CPPED1: variants seen among roughly 807,000 people sequenced by gnomAD.
CPPED1 encodes the protein serine/threonine-protein phosphatase CPPED1.
CPPED1 carries 28 observed loss-of-function variants against 28.0 expected under a neutral mutation model. The observed-to-expected ratio is 1.00, with a 90% CI of 0.74 to 1.37. The LOEUF (loss-of-function observed/expected upper bound fraction) is 1.37, where lower values mean the gene tolerates loss of function less well. CPPED1 is among the 40% of genes most tolerant of loss of function. The pLI is 0.00. For synonymous variants in CPPED1, 198 were observed against 180.2 expected (o/e 1.10, Z -0.79); for missense variants, 504 against 416.5 (o/e 1.21, Z -1.83).
At chr16:12,756,860 C>CA (rs753900381) in intron 2 of CPPED1, among the ~76,000 whole-genome samples, 3 of 151,936 alleles carry the variant, frequency 2.0e-5, no homozygotes, top group Non-Finnish European at 2.9e-5. Flanking sequence ...AAGTTATAGA[C>CA]ACCTACAGTG....
intron 2 of CPPED1, among the ~76,000 whole-genome samples, chr16:12,754,950 G>A (rs1353682697): frequency 1.3e-5 from 2 of 152,180 alleles, no homozygotes; most frequent in South Asian, 2.1e-4. Context: ...GTTAGAAGCT[G>A]TAGTGAGCCG....
intron 3 of CPPED1, among the ~76,000 whole-genome samples, chr16:12,697,414 C>CCT (rs1378710313): frequency 2.6e-5 from 4 of 151,962 alleles, no homozygotes; most frequent in Admixed American, 1.3e-4. Flanking sequence ...GGAACATGTG[C>CCT]CTCACCCAGG....
intron 3 of CPPED1, among the ~76,000 whole-genome samples, chr16:12,697,706 G>A (rs914945795): frequency 6.6e-6 from 1 of 152,150 alleles, no homozygotes; most frequent in Non-Finnish European, 1.5e-5. Flanking sequence ...TGAAGGCAGA[G>A]TTGAGTAGTT....
chr16:12,796,205 TA>T (rs1166408916), intron 1 of CPPED1, among the ~76,000 whole-genome samples: 3 of 151,466 alleles, frequency 2.0e-5, no homozygotes, highest in African/African-American at 7.3e-5. Context: ...AGAAGAAACA[TA>T]CAACTGGCCA....
At chr16:12,801,050 G>A (rs1019161772) in intron 1 of CPPED1, among the ~76,000 whole-genome samples, 2 of 152,090 alleles carry the variant, frequency 1.3e-5, no homozygotes, top group Non-Finnish European at 2.9e-5. Flanking sequence ...CACCATACTG[G>A]ACAGTGCAAT....
intron 3 of CPPED1, among the ~76,000 whole-genome samples, chr16:12,674,208 T>C (rs557700226): frequency 9.9e-5 from 15 of 152,120 alleles, no homozygotes; most frequent in Non-Finnish European, 1.6e-4. Flanking sequence ...GCAATGACTA[T>C]GTGATGAGTT....
intron 2 of CPPED1, among the ~76,000 whole-genome samples, chr16:12,748,257 T>TATGGTA (rs560275959): frequency 6.6e-4 from 101 of 152,334 alleles, no homozygotes; most frequent in African/African-American, 2.3e-3. Context: ...TATACTCATA[T>TATGGTA]ATGGTAATAC....
At chr16:12,768,059 G>A (rs1372849314) in intron 2 of CPPED1, among the ~76,000 whole-genome samples, 2 of 152,154 alleles carry the variant, frequency 1.3e-5, no homozygotes, top group East Asian at 3.9e-4. Flanking sequence ...AGATTTTCCA[G>A]GAAAAGCTGA....
intron 2 of CPPED1, among the ~76,000 whole-genome samples, chr16:12,742,778 CTGTT>C (rs2080263262): frequency 1.3e-5 from 2 of 152,268 alleles, no homozygotes; most frequent in Admixed American, 6.5e-5. Context: ...CCAGATTGAA[CTGTT>C]TGTTAGGAGG....
intron 2 of CPPED1, among the ~76,000 whole-genome samples, chr16:12,708,619 G>C (rs77293137): frequency 0.034 from 5,127 of 152,254 alleles, 129 homozygotes; most frequent in East Asian, 0.1. Flanking sequence ...GGAAATAAAA[G>C]AGTAAATCCT....
chr16:12,707,872 C>G (rs1160484681), intron 2 of CPPED1, among the ~76,000 whole-genome samples: 1 of 152,130 alleles, frequency 6.6e-6, no homozygotes, highest in Non-Finnish European at 1.5e-5. Flanking sequence ...CTTGGCAGGG[C>G]GTACTGATGC....
intron 3 of CPPED1, among the ~76,000 whole-genome samples, chr16:12,692,852 C>T (rs1367568638): frequency 2.0e-5 from 3 of 152,160 alleles, no homozygotes; most frequent in African/African-American, 7.2e-5. Context: ...GCATAGGGCC[C>T]CACCTGGCAG....
intron 2 of CPPED1, among the ~76,000 whole-genome samples, chr16:12,779,166 C>T (rs190461752): frequency 0.011 from 1,724 of 152,210 alleles, 19 homozygotes; most frequent in Middle Eastern, 0.031. Flanking sequence ...CTATAACATT[C>T]TGTTTTTAAA....
chr16:12,781,042 T>C (rs2080527319), intron 2 of CPPED1, 143 bp downstream of exon 2: 1 of 661,726 alleles, frequency 1.5e-6, no homozygotes, highest in Non-Finnish European at 2.6e-6. Context: ...TGATGTTCAA[T>C]GATACTGCAA....
chr16:12,683,571 T>C (rs577631222), intron 3 of CPPED1, among the ~76,000 whole-genome samples: 1 of 152,198 alleles, frequency 6.6e-6, no homozygotes, highest in African/African-American at 2.4e-5. Flanking sequence ...TTTGCCCCAA[T>C]GCACACCCCT....
At chr16:12,687,220 T>C (rs550032658) in intron 3 of CPPED1, among the ~76,000 whole-genome samples, 24 of 152,302 alleles carry the variant, frequency 1.6e-4, no homozygotes, top group Non-Finnish European at 3.1e-4. Flanking sequence ...TTTTGAGAAA[T>C]TTAAAAGATA....
chr16:12,717,183 C>T (rs1216757417), intron 2 of CPPED1, among the ~76,000 whole-genome samples: 2 of 152,162 alleles, frequency 1.3e-5, no homozygotes, highest in Non-Finnish European at 2.9e-5. Context: ...ATAAAAAGAA[C>T]TTGGGTTTCT....
chr16:12,692,701 G>T (rs1414576301), intron 3 of CPPED1, among the ~76,000 whole-genome samples: 2 of 152,222 alleles, frequency 1.3e-5, no homozygotes, highest in African/African-American at 4.8e-5. Flanking sequence ...AAATAAAAGT[G>T]AACACTGACC....
rs550878479 is a variant in CPPED1 at position 12,668,413 on chromosome 16, C to T, written c.716-3298G>A. Among the ~76,000 whole-genome samples, 7 of 152,120 alleles carry T rather than the reference C, an allele frequency of 4.6e-5. No individual in the cohort carries two copies. In the East Asian group the frequency reaches 5.8e-4, roughly 13 times the overall value. ...CATGTTTGGAAGGGAGATAAAAATA[C>T]GGAATAACCTGATACTTTGCAAGAA... On this transcript the variant is annotated intron_variant, in intron 3 of 3. Transcript: ENST00000381774.
Sources: allele counts gnomAD v4.1 joint callset (sites outside exome capture counted in the v4.1 genomes callset), GRCh38; gene constraint gnomAD v4.1.1; transcripts MANE v1.5; gene names NCBI Gene and HGNC (gene_info 2026-07-23, HGNC 2026-07-21).